Variants in MGST1 observed in about 807,000 individuals in gnomAD.
The protein encoded by MGST1 is glutathione S-transferase 12.
In MGST1, 5 loss-of-function variants were observed where a neutral mutation model predicts 8.9. The observed-to-expected ratio is 0.56, with a 90% CI of 0.29 to 1.19. The LOEUF (loss-of-function observed/expected upper bound fraction) is 1.19. MGST1 is among the 50% of genes most tolerant of loss of function. The pLI is 0.08. For missense variants in MGST1, 182 were observed against 187.4 expected (o/e 0.97, Z 0.17); for synonymous variants, 54 against 67.8 (o/e 0.80, Z 1.00).
chr12:16,461,543 C>T (rs1941221230), intron 4 of MGST1, among the ~76,000 whole-genome samples: 1 of 152,086 alleles, frequency 6.6e-6, no homozygotes, highest in African/African-American at 2.4e-5. Context: ...TTGGCACCAA[C>T]AATATAAAAA....
rs182891946 is a variant in MGST1, at chr12:16,540,657, G to A, written n.483-48871G>A. 8.3e-4 allele frequency among the ~76,000 whole-genome samples: 126 copies of A among 152,340 alleles called. 1 individual carries two copies. Among genetic ancestry groups the A allele is most frequent in the African/African-American group, 3.0e-3 (123 of 41,580 alleles). On this transcript the variant is annotated intron_variant and non_coding_transcript_variant, in intron 4 of 4. Transcript: ENST00000538857. ...TAAAAAATTGTATTTGAGGCAAGGCGTGGTGGCTCACGCCTGTAATGCCAG... is the reference window on the plus strand; with the variant it reads ...TAAAAAATTGTATTTGAGGCAAGGCATGGTGGCTCACGCCTGTAATGCCAG...
At chr12:16,367,908 T>C (rs1187856093), downstream of MGST1, among the ~76,000 whole-genome samples, 2 of 152,212 alleles carry the variant, frequency 1.3e-5, no homozygotes, top group African/African-American at 2.4e-5. Context: ...CTTTGTATAT[T>C]TTTTCCTGTT....
At position 16,410,332 on chromosome 12, in the gene MGST1, A is replaced by G. The variant is rs566029847; in HGVS notation, n.778+26728A>G. ...TAGCATTCCTGCTTATATACCTCCT[A>G]AGCATCTCTGAAATACACTTAACTC... On this transcript the variant is annotated intron_variant and non_coding_transcript_variant, in intron 1 of 1. Transcript: ENST00000359720. This position sits in a 1 kb window ranked among gnomAD's most constrained non-coding sequence, Gnocchi z 4.4. Among the ~76,000 whole-genome samples the G allele has an allele frequency of 6.6e-6, 1 of 151,946 alleles. No individual in the cohort carries two copies. The highest frequency in any genetic ancestry group is 1.5e-5 in the Non-Finnish European group (1 of 67,980).
intron 1 of MGST1, among the ~76,000 whole-genome samples, chr12:16,414,058 T>C (rs1940764216): frequency 1.4e-5 from 2 of 137,968 alleles, no homozygotes; most frequent in South Asian, 2.5e-4. Flanking sequence ...CATCTGGTTT[T>C]ATACAAAAAA....
intron 4 of MGST1, among the ~76,000 whole-genome samples, chr12:16,460,519 C>T (rs1378629191): frequency 1.3e-5 from 2 of 151,838 alleles, no homozygotes; most frequent in Non-Finnish European, 2.9e-5. Flanking sequence ...CTGTTCTGAC[C>T]AGGCATCCTC....
chr12:16,434,656 T>C (rs1217837846), intron 1 of MGST1, among the ~76,000 whole-genome samples: 1 of 152,050 alleles, frequency 6.6e-6, no homozygotes, highest in East Asian at 1.9e-4. Flanking sequence ...CTACCTGCAC[T>C]TTTTTCTTTC....
At chr12:16,349,320 C>T (rs534698574) in intron 1 of MGST1, among the ~76,000 whole-genome samples, 6 of 151,766 alleles carry the variant, frequency 4.0e-5, no homozygotes, top group Non-Finnish European at 7.4e-5. Flanking sequence ...AGGGAAAGGG[C>T]GTTCCTCAAC....
chr12:16,380,791 G>C (rs1435609390), downstream of MGST1, among the ~76,000 whole-genome samples: 1 of 152,100 alleles, frequency 6.6e-6, no homozygotes, highest in Non-Finnish European at 1.5e-5. Flanking sequence ...TCTCTTTGTA[G>C]GTCACTGATG....
intron 1 of MGST1, among the ~76,000 whole-genome samples, chr12:16,434,082 C>A (rs972439587): frequency 4.6e-5 from 7 of 152,072 alleles, no homozygotes; most frequent in African/African-American, 1.7e-4. Context: ...AATTAAGGAC[C>A]TGCACTTCAT....
At chr12:16,504,035 A>G (rs1331167371) in intron 4 of MGST1, among the ~76,000 whole-genome samples, 1 of 152,156 alleles carries the variant, frequency 6.6e-6, no homozygotes, top group African/African-American at 2.4e-5. Flanking sequence ...GGGAGAAACC[A>G]AAAGCCCTCC....
chr12:16,465,440 A>G (rs1272092123), intron 4 of MGST1, among the ~76,000 whole-genome samples: 2 of 152,130 alleles, frequency 1.3e-5, no homozygotes, highest in Admixed American at 6.5e-5. Context: ...GCCTGTTAGG[A>G]ACTGGATCGC....
At chr12:16,466,096 G>T (rs944009671) in intron 4 of MGST1, among the ~76,000 whole-genome samples, 8 of 152,168 alleles carry the variant, frequency 5.3e-5, no homozygotes, top group African/African-American at 1.9e-4. Flanking sequence ...CTAAATGGTG[G>T]TTCATTCAAG....
At chr12:16,476,600 G>A (rs796235918) in intron 4 of MGST1, among the ~76,000 whole-genome samples, 4 of 152,094 alleles carry the variant, frequency 2.6e-5, no homozygotes, top group South Asian at 2.1e-4. Flanking sequence ...CAGAGTCATC[G>A]TCATAGTTGG....
chr12:16,401,399 T>C lies in MGST1; in HGVS notation n.778+17795T>C. The stretch of plus-strand genomic sequence containing the variant: ...AATCCTAGGTTTCTGGTAATTTTGT[T>C]CAGGAGTTCTGGCTTCTGCTTTTTA... On this transcript the variant is annotated intron_variant and non_coding_transcript_variant, in intron 1 of 1. Coordinates refer to the MGST1 transcript ENST00000359720. This position sits in a 1 kb window ranked among gnomAD's most constrained non-coding sequence, Gnocchi z 4.3. The C allele has an allele frequency of 2.9e-6, 3 of 1,041,758 alleles. No homozygotes were observed. The South Asian group carries it at 3.8e-5, about 13-fold the overall frequency. The allele number at this position is 1,041,758 out of a possible 1,614,324, so 64.5% of individuals were successfully genotyped here.
At chr12:16,434,784 A>G (rs1282405189) in intron 1 of MGST1, among the ~76,000 whole-genome samples, 1 of 152,010 alleles carries the variant, frequency 6.6e-6, no homozygotes, top group African/African-American at 2.4e-5. Flanking sequence ...CTTAGAGTAA[A>G]ACGATTTGAC....
At chr12:16,386,682 A>G (rs1353482680) in intron 1 of MGST1, among the ~76,000 whole-genome samples, 1 of 152,148 alleles carries the variant, frequency 6.6e-6, no homozygotes, top group African/African-American at 2.4e-5. Flanking sequence ...CGAACACCCA[A>G]ACTGTGTACA....
intron 1 of MGST1, among the ~76,000 whole-genome samples, chr12:16,432,723 C>T (rs1229917686): frequency 1.6e-5 from 2 of 124,102 alleles, no homozygotes; most frequent in Non-Finnish European, 3.2e-5. Context: ...CACACACACA[C>T]ACACACACAG....
At chr12:16,591,153 C>T (rs1012984548), downstream of MGST1, among the ~76,000 whole-genome samples, 1 of 151,974 alleles carries the variant, frequency 6.6e-6, no homozygotes, top group Admixed American at 6.6e-5. This position sits in a 1 kb window ranked among gnomAD's most constrained non-coding sequence, Gnocchi z 4.1. Flanking sequence ...TACCATAGAC[C>T]TACACAGTGA....
chr12:16,509,184 G>GT (rs946716980), intron 4 of MGST1, among the ~76,000 whole-genome samples: 1 of 152,022 alleles, frequency 6.6e-6, no homozygotes, highest in Non-Finnish European at 1.5e-5. Context: ...AATATTGCCA[G>GT]TTTTTTTAAT....
Sources: gnomAD v4.1 joint callset for allele counts (sites outside exome capture counted in the v4.1 genomes callset) on GRCh38, gnomAD v4.1.1 for gene constraint, Gnocchi (gnomAD v3.1) non-coding constraint, MANE v1.5 for transcripts, NCBI Gene and HGNC (gene_info 2026-07-23, HGNC 2026-07-21) for gene names.